ZNF385D: variants seen among roughly 807,000 people sequenced by gnomAD.
ZNF385D encodes the protein zinc finger protein 659.
ZNF385D carries 15 observed loss-of-function variants against 35.8 expected under a neutral mutation model. The ratio of observed to expected loss-of-function variants is 0.42; its 90% CI spans 0.28 to 0.64. The LOEUF is 0.64. Among genes scored for constraint, ZNF385D ranks in the 30% least tolerant of loss-of-function variants. The pLI, the probability that ZNF385D is intolerant of heterozygous loss-of-function variation, is 0.23. For missense variants in ZNF385D, 474 were observed against 494.6 expected (o/e 0.96, Z 0.39); for synonymous variants, 212 against 186.8 (o/e 1.13, Z -1.10).
chr3:21,537,909 G>C (rs2125552566), intron 3 of ZNF385D, among the ~76,000 whole-genome samples: 1 of 152,242 alleles, frequency 6.6e-6, no homozygotes, highest in East Asian at 1.9e-4. Flanking sequence ...TAGAAGCAGG[G>C]AGAATGATTA....
intron 1 of ZNF385D, among the ~76,000 whole-genome samples, chr3:21,701,545 C>T (rs2067684263): frequency 1.3e-5 from 2 of 152,076 alleles, no homozygotes; most frequent in African/African-American, 2.4e-5. Flanking sequence ...CTCATGTCCT[C>T]ACATTTCGAA....
chr3:21,654,070 T>C (rs2066000639), intron 2 of ZNF385D, among the ~76,000 whole-genome samples: 2 of 151,942 alleles, frequency 1.3e-5, no homozygotes, highest in African/African-American at 4.8e-5. Flanking sequence ...ATTGTACAAC[T>C]GGACTGTCAT....
chr3:22,001,929 T>A (rs183303134), intron 3 of ZNF385D, among the ~76,000 whole-genome samples: 1 of 151,906 alleles, frequency 6.6e-6, no homozygotes, highest in Non-Finnish European at 1.5e-5. Context: ...CTAAATCCTA[T>A]GCAATACAAC....
chr3:22,004,517 T>A (rs1009938258), intron 3 of ZNF385D, among the ~76,000 whole-genome samples: 28 of 152,282 alleles, frequency 1.8e-4, no homozygotes, highest in African/African-American at 5.8e-4. Flanking sequence ...GGAGAAAGTG[T>A]TTGCAAATTA....
intron 3 of ZNF385D, among the ~76,000 whole-genome samples, chr3:22,116,533 G>A (rs1702821012): frequency 6.6e-6 from 1 of 152,012 alleles, no homozygotes; most frequent in Admixed American, 6.6e-5. Context: ...ACAGAAAAAA[G>A]AGAAAATGTA....
intron 3 of ZNF385D, among the ~76,000 whole-genome samples, chr3:21,757,541 C>A (rs1357657342): frequency 1.3e-5 from 2 of 152,070 alleles, no homozygotes; most frequent in African/African-American, 4.8e-5. Context: ...GAAATCTTAA[C>A]CTTGGAGGTG....
At chr3:21,686,649 A>G (rs2067114623) in intron 1 of ZNF385D, among the ~76,000 whole-genome samples, 1 of 152,236 alleles carries the variant, frequency 6.6e-6, no homozygotes, top group South Asian at 2.1e-4. Context: ...TTTTGCACTT[A>G]CATACAGCAC....
intron 1 of ZNF385D, among the ~76,000 whole-genome samples, chr3:21,674,127 A>C (rs998851929): frequency 1.3e-5 from 2 of 152,164 alleles, no homozygotes; most frequent in African/African-American, 4.8e-5. Flanking sequence ...GAGACTGTTT[A>C]GAAAAGGAAA....
At chr3:21,735,715 C>T (rs1226405892) in intron 1 of ZNF385D, among the ~76,000 whole-genome samples, 1 of 152,182 alleles carries the variant, frequency 6.6e-6, no homozygotes, top group African/African-American at 2.4e-5. Context: ...GCTTCGACAT[C>T]TCTGGGAACT....
In ZNF385D at chr3:21,461,329, T is replaced by C. The variant is rs1052088714; in HGVS notation, c.440-24126A>G. On this transcript the variant is annotated intron_variant, in intron 4 of 7. Coordinates refer to ENST00000281523, the MANE Select transcript of ZNF385D (RefSeq NM_024697.3). ...ACTTTGGGAGGCTGAGGTGGGAGGA[T>C]CATGAGGTTAGGAGTTTGAGACCAC... Among the ~76,000 whole-genome samples, 6 of 152,076 alleles carry C rather than the reference T, an allele frequency of 3.9e-5. No individual in the cohort carries two copies. The South Asian group carries it at 1.2e-3, about 32-fold the overall frequency.
intron 3 of ZNF385D, among the ~76,000 whole-genome samples, chr3:22,159,300 C>T (rs567863917): frequency 2.0e-5 from 3 of 152,078 alleles, no homozygotes; most frequent in South Asian, 4.2e-4. Flanking sequence ...CCAAGCTAAA[C>T]GTTATAAATT....
chr3:21,807,153 AAAG>A (rs1400451963), intron 3 of ZNF385D, among the ~76,000 whole-genome samples: 5 of 152,248 alleles, frequency 3.3e-5, no homozygotes, highest in Non-Finnish European at 5.9e-5. Flanking sequence ...TGAAATTAGA[AAAG>A]AATAGCTAAA....
intron 3 of ZNF385D, among the ~76,000 whole-genome samples, chr3:21,919,908 A>G (rs1444284349): frequency 6.6e-6 from 1 of 152,228 alleles, no homozygotes; most frequent in African/African-American, 2.4e-5. Context: ...ACATTTCTAG[A>G]CAAAGACTTT....
chr3:21,591,707 A>G (rs887623451), intron 2 of ZNF385D, among the ~76,000 whole-genome samples: 6 of 152,136 alleles, frequency 3.9e-5, no homozygotes, highest in Non-Finnish European at 8.8e-5. Context: ...CTGAAGTCCT[A>G]AACTCATTCA....
intron 2 of ZNF385D, among the ~76,000 whole-genome samples, chr3:22,339,410 T>A (rs1445407697): frequency 6.6e-6 from 1 of 152,210 alleles, no homozygotes; most frequent in Non-Finnish European, 1.5e-5. Context: ...ATGTGCCATA[T>A]ACTATGCTAG....
At chr3:21,916,207 T>C (rs259539) in intron 3 of ZNF385D, among the ~76,000 whole-genome samples, 15,091 of 152,166 alleles carry the variant, frequency 0.099, 1,472 homozygotes, top group African/African-American at 0.25. Flanking sequence ...AAATATATAA[T>C]TAAAATAAAG....
chr3:22,372,491 C>T, exon 2 of ZNF385D: 2 of 985,788 alleles, frequency 2.0e-6, no homozygotes, highest in Non-Finnish European at 2.4e-6. Flanking sequence ...GAGCTTTTCT[C>T]TCCTTCCTCC....
intron 1 of ZNF385D, among the ~76,000 whole-genome samples, chr3:21,712,061 C>A (rs12637585): frequency 0.51 from 76,800 of 151,876 alleles, 19,952 homozygotes; most frequent in African/African-American, 0.63. Context: ...TGTACCCCAC[C>A]ATTTCTGGCC....
At chr3:22,216,538 G>T (rs1697896298) in intron 2 of ZNF385D, among the ~76,000 whole-genome samples, 1 of 152,040 alleles carries the variant, frequency 6.6e-6, no homozygotes, top group African/African-American at 2.4e-5. Flanking sequence ...CTTAAGCATT[G>T]ACCCAGATGT....
Sources: allele counts gnomAD v4.1 joint callset (sites outside exome capture counted in the v4.1 genomes callset), GRCh38; gene constraint gnomAD v4.1.1; transcripts MANE v1.5; gene names NCBI Gene and HGNC (gene_info 2026-07-23, HGNC 2026-07-21).